Variants in TCF12 observed in about 807,000 individuals in gnomAD.
The protein encoded by TCF12 is transcription factor 12, also known as DNA-binding protein HTF4.
Under a neutral mutation model 86.0 loss-of-function variants are expected in TCF12, and 45 were observed. That is an observed-to-expected ratio of 0.52 (90% confidence interval 0.41 to 0.67). TCF12 has a LOEUF of 0.67. Ranked by LOEUF, TCF12 falls within the 30% of genes least tolerant of loss-of-function variation. The probability of loss-of-function intolerance (pLI) is 0.00; values close to 1 mark genes in which losing one functional copy is unlikely to be tolerated. For missense variants in TCF12, 881 were observed against 859.9 expected (o/e 1.02, Z -0.31); for synonymous variants, 330 against 299.6 (o/e 1.10, Z -1.05).
chr15:57,050,226 C>T (rs1405155545), intron 3 of TCF12, among the ~76,000 whole-genome samples: 12 of 152,208 alleles, frequency 7.9e-5, no homozygotes, highest in Admixed American at 5.2e-4. Context: ...CATCTTTATT[C>T]GTACTCACAT....
intron 5 of TCF12, among the ~76,000 whole-genome samples, chr15:57,119,493 C>T (rs1195642965): frequency 1.4e-5 from 2 of 146,040 alleles, no homozygotes; most frequent in Admixed American, 7.0e-5. Flanking sequence ...ATACTAGATA[C>T]GATACTGTAT....
chr15:57,271,151 G>C (rs1422345639), intron 18 of TCF12, among the ~76,000 whole-genome samples: 1 of 152,218 alleles, frequency 6.6e-6, no homozygotes, highest in Non-Finnish European at 1.5e-5. Flanking sequence ...GCTGCCTTTT[G>C]TTCAGATACG....
intron 12 of TCF12, 68 bp from the exon 13 acceptor site, chr15:57,243,404 T>C: frequency 7.3e-7 from 1 of 1,363,802 alleles, no homozygotes; most frequent in Non-Finnish European, 1.0e-6. Flanking sequence ...AATAACTCCA[T>C]GTGAACGGAT....
chr15:57,165,130 A>ATG (rs2054782949), intron 5 of TCF12, among the ~76,000 whole-genome samples: 1 of 82,864 alleles, frequency 1.2e-5, no homozygotes, highest in South Asian at 5.8e-4. Flanking sequence ...GAAGGAATGT[A>ATG]TGTCTGTGTG....
At chr15:57,115,220 T>G (rs1187760867) in intron 5 of TCF12, among the ~76,000 whole-genome samples, 1 of 152,222 alleles carries the variant, frequency 6.6e-6, no homozygotes, top group Non-Finnish European at 1.5e-5. Flanking sequence ...AAAATTATAG[T>G]TTAGTTCCTC....
intron 12 of TCF12, among the ~76,000 whole-genome samples, chr15:57,239,515 C>A (rs868747068): frequency 1.7e-3 from 181 of 106,976 alleles, no homozygotes; most frequent in African/African-American, 2.4e-3. Context: ...GACTCCATCT[C>A]AAAAAAAAAA....
intron 3 of TCF12, among the ~76,000 whole-genome samples, chr15:56,983,270 TAGAG>T (rs1480405623): frequency 3.3e-5 from 5 of 152,326 alleles, no homozygotes; most frequent in Middle Eastern, 3.4e-3. Context: ...TGGTAACTAT[TAGAG>T]AGAGAAGTTA....
chr15:57,063,846 G>A (rs765547911), intron 4 of TCF12, 23 bp downstream of exon 4: 1 of 1,537,814 alleles, frequency 6.5e-7, no homozygotes, highest in Admixed American at 1.7e-5. Flanking sequence ...ATCAACCCTT[G>A]ATTAAAGCTG....
intron 3 of TCF12, among the ~76,000 whole-genome samples, chr15:56,971,866 A>G (rs957529460): frequency 9.2e-5 from 14 of 152,240 alleles, no homozygotes; most frequent in Admixed American, 4.6e-4. Context: ...GTGTAAAGAC[A>G]GAAAGTAGAT....
chr15:57,242,136 G>C lies in TCF12; in HGVS notation c.1036-1336G>C, dbSNP rs1360116081. Among the ~76,000 whole-genome samples, 3 of 152,104 alleles carry C rather than the reference G, an allele frequency of 2.0e-5. 1 individual carries two copies. Among genetic ancestry groups the C allele is most frequent in the Non-Finnish European group, 4.4e-5 (3 of 68,014 alleles). On this transcript the variant is annotated intron_variant, in intron 12 of 20. Transcript: ENST00000333725. ...ACAATGTTGAAATTCCTTGTATGCT[G>C]TAAATTGGGTCTCTTTAAATTCATT...
intron 3 of TCF12, among the ~76,000 whole-genome samples, chr15:57,057,308 TC>T (rs2068104130): frequency 2.0e-5 from 3 of 152,316 alleles, no homozygotes; most frequent in Admixed American, 2.0e-4. Flanking sequence ...CCTGTCTCTG[TC>T]CTCTTTTCCT....
chr15:57,072,679 A>C (rs1167778875), intron 4 of TCF12: 1 of 1,307,796 alleles, frequency 7.6e-7, no homozygotes, highest in Admixed American at 2.3e-5. Context: ...GAAGCAGTTA[A>C]ATAGCAAAGC....
rs2059175427 is a variant in TCF12 at position 57,232,385 on chromosome 15, G to A, written c.780G>A (p.Met260Ile). The A allele has an allele frequency of 1.2e-6, 2 of 1,612,922 alleles. No individual in the cohort carries two copies. Among genetic ancestry groups the A allele is most frequent in the Non-Finnish European group, 8.5e-7 (1 of 1,179,672 alleles). ...GGILGTSTSH[M>I]SQSSSYGNLH... ...TTCTGGGGACCTCCACTTCCCACAT[G>A]TCTCAATCCAGTAGTTATGGCAACC... Residue 260 changes from methionine to isoleucine, a missense_variant, in exon 10 of 21, where the codon ATG becomes ATA. Coordinates refer to ENST00000333725, the MANE Select transcript of TCF12 (RefSeq NM_207037.2).
At chr15:56,959,602 T>C (rs1258270340) in intron 3 of TCF12, among the ~76,000 whole-genome samples, 1 of 152,198 alleles carries the variant, frequency 6.6e-6, no homozygotes, top group Non-Finnish European at 1.5e-5. Context: ...TACATACATA[T>C]TAAACCTTTT....
intron 3 of TCF12, among the ~76,000 whole-genome samples, chr15:56,928,108 T>C (rs2060095283): frequency 6.6e-6 from 1 of 152,186 alleles, no homozygotes; most frequent in Non-Finnish European, 1.5e-5. Flanking sequence ...GCCAGACAAC[T>C]GGATTGGAAT....
intron 5 of TCF12, among the ~76,000 whole-genome samples, chr15:57,109,736 T>A (rs1178462852): frequency 6.6e-6 from 1 of 152,212 alleles, no homozygotes; most frequent in African/African-American, 2.4e-5. Context: ...CCTTTCTACA[T>A]TCATAAAAAT....
intron 4 of TCF12, among the ~76,000 whole-genome samples, chr15:57,064,795 C>CAAAAAAAAAAAAAAAAAAAAA (rs1177544594): frequency 1.7e-4 from 13 of 78,050 alleles, no homozygotes; most frequent in African/African-American, 4.4e-4. Flanking sequence ...GACTCCATCT[C>CAAAAAAAAAAAAAAAAAAAAA]AAAAAAAAAA....
At chr15:57,035,143 A>C (rs2066427813) in intron 3 of TCF12, among the ~76,000 whole-genome samples, 1 of 152,180 alleles carries the variant, frequency 6.6e-6, no homozygotes. Flanking sequence ...AGTTACCTTA[A>C]TTACCAGATG....
chr15:56,953,715 A>T (rs1173312924), intron 3 of TCF12, among the ~76,000 whole-genome samples: 1 of 152,012 alleles, frequency 6.6e-6, no homozygotes, highest in Non-Finnish European at 1.5e-5. Context: ...AGTTATTTAT[A>T]ACATTAACTT....
Sources: gnomAD v4.1 joint callset for allele counts (sites outside exome capture counted in the v4.1 genomes callset) on GRCh38, gnomAD v4.1.1 for gene constraint, MANE v1.5 for transcripts, NCBI Gene and HGNC (gene_info 2026-07-23, HGNC 2026-07-21) for gene names.